NIPBL: variants seen among roughly 807,000 people sequenced by gnomAD.
The protein encoded by NIPBL is NIPBL cohesin loading factor.
In NIPBL, 19 loss-of-function variants were observed where a neutral mutation model predicts 321.8. The observed-to-expected ratio is 0.06, with a 90% CI of 0.04 to 0.09. The LOEUF (loss-of-function observed/expected upper bound fraction) is 0.09, where lower values mean the gene tolerates loss of function less well. NIPBL is among the 10% of genes least tolerant of loss of function. The pLI is 1.00. For missense variants in NIPBL, 2,210 were observed against 3,327.0 expected (o/e 0.66, Z 8.26); for synonymous variants, 1,106 against 1,114.1 (o/e 0.99, Z 0.14).
chr5:36,886,178 G>A (rs1225052825), intron 1 of NIPBL: 11 of 646,592 alleles, frequency 1.7e-5, no homozygotes, highest in Admixed American at 8.4e-5. Flanking sequence ...AACAGCCTGA[G>A]GGAGGTGGAG....
intron 1 of NIPBL, among the ~76,000 whole-genome samples, chr5:36,940,563 T>C (rs111766728): frequency 2.4e-4 from 37 of 152,298 alleles, no homozygotes; most frequent in African/African-American, 8.4e-4. Context: ...CTCTTACTTA[T>C]GAGATTTCCT....
chr5:36,948,339 A>C lies in NIPBL; in HGVS notation c.-79-5279A>C, dbSNP rs188584328. 8.5e-5 allele frequency among the ~76,000 whole-genome samples: 13 copies of C among 152,078 alleles called. 1 individual carries two copies. The East Asian group carries it at 2.3e-3, about 27-fold the overall frequency. On this transcript the variant is annotated intron_variant, in intron 1 of 46. Coordinates refer to ENST00000282516, the MANE Select transcript of NIPBL (RefSeq NM_133433.4). Reference sequence around the variant, plus strand: ...AACTCAGGAGGTACTTACAGGTTTGAATGAACTGTTATGTAACCTGATACA... The same window carrying C: ...AACTCAGGAGGTACTTACAGGTTTGCATGAACTGTTATGTAACCTGATACA...
At chr5:36,907,391 A>G (rs1747719229) in intron 1 of NIPBL, among the ~76,000 whole-genome samples, 1 of 152,198 alleles carries the variant, frequency 6.6e-6, no homozygotes, top group African/African-American at 2.4e-5. Context: ...CATTATGGAA[A>G]ATTCAGATAA....
intron 1 of NIPBL, among the ~76,000 whole-genome samples, chr5:36,919,519 A>G (rs1330942842): frequency 6.6e-6 from 1 of 151,836 alleles, no homozygotes; most frequent in African/African-American, 2.4e-5. Flanking sequence ...TCTCTTTACC[A>G]TGTGCTTCTG....
chr5:37,048,970 C>A, intron 39 of NIPBL, 141 bp from the exon 40 acceptor site: 1 of 839,974 alleles, frequency 1.2e-6, no homozygotes, highest in Non-Finnish European at 2.0e-6. Flanking sequence ...CACACACACA[C>A]TCACACACAG....
chr5:37,048,582 A>G lies in NIPBL; in HGVS notation c.6670A>G (p.Asn2224Asp), dbSNP rs1753205263. ...NLYNNILSDKNSSVNLKIQVL... is the reference protein window; with the variant it reads ...NLYNNILSDKDSSVNLKIQVL... ...ATATAATAATATTTTATCTGATAAG[A>G]ACTCCTCAGTCAATTTAAAAATACA... The change falls in exon 39 of 47, where the codon AAC becomes GAC. Residue 2224 changes from asparagine (N) to aspartate (D), a missense_variant. By Grantham distance (23) the Asn-to-Asp change is conservative (BLOSUM62 1). This residue lies in a region of NIPBL where 40 missense variants were observed against 55.3 expected (regional missense o/e 0.72). Transcript: ENST00000282516. 6.3e-7 allele frequency: 1 copy of G among 1,596,976 alleles called. No individual in the cohort carries two copies. The highest frequency in any genetic ancestry group is 1.3e-5 in the African/African-American group (1 of 74,430).
intron 2 of NIPBL, 40 bp from the exon 3 acceptor site, chr5:36,955,432 A>G: frequency 6.5e-7 from 1 of 1,538,918 alleles, no homozygotes; most frequent in Non-Finnish European, 9.0e-7. Flanking sequence ...AGACTTCTAT[A>G]GTCACTCAAT....
At chr5:37,049,752 C>T (rs1463515841) in intron 40 of NIPBL, among the ~76,000 whole-genome samples, 7 of 152,240 alleles carry the variant, frequency 4.6e-5, no homozygotes, top group African/African-American at 1.7e-4. Context: ...CTCGACACCT[C>T]ATAGCATTAA....
chr5:37,031,907 A>G (rs924230847), intron 32 of NIPBL, among the ~76,000 whole-genome samples: 3 of 152,350 alleles, frequency 2.0e-5, no homozygotes, highest in Non-Finnish European at 4.4e-5. Flanking sequence ...AAACTAATCT[A>G]TACTGGAAAA....
At chr5:36,957,596 A>G (rs1741108773) in intron 3 of NIPBL, among the ~76,000 whole-genome samples, 1 of 152,286 alleles carries the variant, frequency 6.6e-6, no homozygotes, top group East Asian at 1.9e-4. Context: ...TTGACTGTGT[A>G]AAGTAAAATG....
chr5:36,886,472 G>C (rs1331011354), intron 1 of NIPBL: 1 of 757,926 alleles, frequency 1.3e-6, no homozygotes, highest in East Asian at 2.5e-5. Flanking sequence ...TCTGAGACCA[G>C]TGACACCAAA....
intron 9 of NIPBL, among the ~76,000 whole-genome samples, 162 bp downstream of exon 9, chr5:36,976,564 C>T (rs1294119517): frequency 6.6e-6 from 1 of 151,942 alleles, no homozygotes. Context: ...AAGTTAAATT[C>T]GTAACAATTT....
intron 32 of NIPBL, among the ~76,000 whole-genome samples, chr5:37,032,374 C>T (rs1452702029): frequency 7.3e-6 from 1 of 136,450 alleles, no homozygotes; most frequent in African/African-American, 2.7e-5. Context: ...TATGCATATG[C>T]ATACATGTAT....
At position 36,887,455 on chromosome 5, in the gene NIPBL, A is replaced by G. The variant is rs1379178784; in HGVS notation, c.-80+10277A>G. The stretch of plus-strand genomic sequence containing the variant: ...AGAAAAGCAGTGCCCTTTACTGAAA[A>G]TTGGGGGCAGATAATGAGAAAAGAG... On this transcript the variant is annotated intron_variant, in intron 1 of 46. Transcript: ENST00000282516. Among the ~76,000 whole-genome samples the G allele has an allele frequency of 2.0e-5, 3 of 152,164 alleles. No individual in the cohort carries two copies. The East Asian group carries it at 5.8e-4, about 29-fold the overall frequency.
intron 21 of NIPBL, among the ~76,000 whole-genome samples, chr5:37,013,406 C>T (rs1214284674): frequency 6.6e-6 from 1 of 151,728 alleles, no homozygotes; most frequent in Non-Finnish European, 1.5e-5. Flanking sequence ...TCCTCACTTC[C>T]CAGACAGGGT....
chr5:36,976,131 A>G lies in NIPBL; in HGVS notation c.1224A>G (p.Gln408=), dbSNP rs764746811. The change falls in exon 9 of 47, where the codon CAA becomes CAG. Residue 408 remains glutamine, a synonymous_variant. Coordinates refer to ENST00000282516, the MANE Select transcript of NIPBL (RefSeq NM_133433.4). ...CTTCAAAAACACCCATTACTCCACA[A>G]GATATAAACCGCCCACTAAATGCTG... The part of the protein sequence containing the change: ...GQTSKTPITP[Q]DINRPLNAAQ... 6 of 1,613,884 alleles carry G rather than the reference A, an allele frequency of 3.7e-6. No homozygotes were observed. Among genetic ancestry groups the G allele is most frequent in the Admixed American group, 3.3e-5 (2 of 59,984 alleles).
chr5:37,004,557 A>G (rs978852622), intron 16 of NIPBL, among the ~76,000 whole-genome samples: 1 of 152,028 alleles, frequency 6.6e-6, no homozygotes, highest in African/African-American at 2.4e-5. Context: ...GGCATGCACC[A>G]CAATGCCTGG....
chr5:36,985,959 A>G lies in NIPBL; in HGVS notation c.2779A>G (p.Lys927Glu), dbSNP rs142517671. Residue 927 changes from lysine to glutamate, a missense_variant, in exon 10 of 47, where the codon AAA becomes GAA. By Grantham distance (56) the Lys-to-Glu change is moderately conservative. Transcript: ENST00000282516. ...CAAAAGGACAGAGGGTAACAAGAGT[A>G]AAGTAGACACTAATAAAGCACACCC... ...DDKRTEGNKS[K>E]VDTNKAHPDN... 3 of 1,613,992 alleles carry G rather than the reference A, an allele frequency of 1.9e-6. No homozygotes were observed. Among genetic ancestry groups the G allele is most frequent in the Non-Finnish European group, 2.5e-6 (3 of 1,179,946 alleles).
chr5:36,917,907 T>C (rs902218633), intron 1 of NIPBL, among the ~76,000 whole-genome samples: 9 of 152,222 alleles, frequency 5.9e-5, no homozygotes, highest in African/African-American at 1.2e-4. Flanking sequence ...ACCAGTACCA[T>C]GCTGTTTGGG....
Sources: allele counts gnomAD v4.1 joint callset (sites outside exome capture counted in the v4.1 genomes callset), GRCh38; gene constraint gnomAD v4.1.1; regional missense constraint gnomAD v4.1.1; transcripts MANE v1.5; gene names NCBI Gene and HGNC (gene_info 2026-07-23, HGNC 2026-07-21).